The following MSRB3 variants were observed in gnomAD, a reference collection of about 807,000 sequenced individuals.
The protein encoded by MSRB3 is methionine sulfoxide reductase B3, also known as methionine-R-sulfoxide reductase B3.
In MSRB3, 13 loss-of-function variants were observed where a neutral mutation model predicts 21.0. That is an observed-to-expected ratio of 0.62 (90% confidence interval 0.40 to 0.98). The LOEUF (loss-of-function observed/expected upper bound fraction) is 0.98. MSRB3 is among the 50% of genes least tolerant of loss of function. The probability of loss-of-function intolerance (pLI) is 0.00; values close to 1 mark genes in which losing one functional copy is unlikely to be tolerated. For missense variants in MSRB3, 199 were observed against 230.3 expected (o/e 0.86, Z 0.88); for synonymous variants, 87 against 88.6 (o/e 0.98, Z 0.10).
intron 6 of MSRB3, 159 bp downstream of exon 6, chr12:65,453,984 A>C (rs915784378): frequency 1.4e-5 from 10 of 712,716 alleles, no homozygotes; most frequent in Admixed American, 6.0e-5. Flanking sequence ...GGTGTTTAGC[A>C]AGTCTAGTGG....
chr12:65,437,405 C>T (rs1009016627), intron 5 of MSRB3, among the ~76,000 whole-genome samples: 6 of 151,832 alleles, frequency 4.0e-5, no homozygotes, highest in African/African-American at 1.2e-4. Context: ...TATTCTTTAT[C>T]CTCTTATTCT....
chr12:65,286,158 T>G (rs1039862195), intron 1 of MSRB3: 2 of 152,236 alleles, frequency 1.3e-5, no homozygotes, highest in African/African-American at 4.8e-5. Context: ...AATTATGACT[T>G]ATAGAGTCTA....
chr12:65,344,121 A>G (rs1876327937), intron 4 of MSRB3: 1 of 152,128 alleles, frequency 6.6e-6, no homozygotes, highest in Admixed American at 6.6e-5. Flanking sequence ...TGTAAATGTG[A>G]AGCATTGATA....
At chr12:65,433,768 G>A (rs923370093) in intron 5 of MSRB3, among the ~76,000 whole-genome samples, 2 of 151,808 alleles carry the variant, frequency 1.3e-5, no homozygotes, top group African/African-American at 4.8e-5. Flanking sequence ...CCTTCCCCAG[G>A]GTTGCTATTT....
At position 65,466,421 on chromosome 12, in the gene MSRB3, A is replaced by C. The variant is rs536036545; in HGVS notation, c.*3099A>C. On this transcript the variant is annotated 3_prime_UTR_variant, in exon 7 of 7. Transcript: ENST00000308259. ...GAACTGAGTCAATATGGCAAGGTGT[A>C]TGTGATCTGTGGGAGTTATGCCATT... is the stretch of plus-strand genomic sequence containing the variant. The C allele has an allele frequency of 6.6e-6, 1 of 152,188 alleles. No homozygotes were observed. The highest frequency in any genetic ancestry group is 6.5e-5 in the Admixed American group (1 of 15,288). 9.4% of individuals were successfully genotyped at this position (152,188 alleles called of 1,614,324 possible). A position where few individuals can be genotyped will look rare whatever the true frequency, so the allele number is the denominator to read the frequency against.
chr12:65,373,366 T>C (rs984570975), intron 5 of MSRB3, among the ~76,000 whole-genome samples: 11 of 152,208 alleles, frequency 7.2e-5, no homozygotes, highest in African/African-American at 2.4e-4. Context: ...CTTAACTTAT[T>C]AACTTATTTA....
chr12:65,411,129 T>C (rs998117353), intron 5 of MSRB3, among the ~76,000 whole-genome samples: 3 of 152,240 alleles, frequency 2.0e-5, no homozygotes, highest in Non-Finnish European at 4.4e-5. Flanking sequence ...GTTTTCAGAT[T>C]CAGTGTATAC....
chr12:65,302,168 A>T (rs1460726772), intron 1 of MSRB3, among the ~76,000 whole-genome samples: 1 of 152,154 alleles, frequency 6.6e-6, no homozygotes, highest in East Asian at 1.9e-4. Flanking sequence ...ATTTATAATC[A>T]TGTAAACAAA....
chr12:65,453,958 T>C, intron 6 of MSRB3, 133 bp downstream of exon 6: 1 of 743,796 alleles, frequency 1.3e-6, no homozygotes, highest in Non-Finnish European at 2.4e-6. Context: ...TGAAGTCCGA[T>C]GGATGCCTAT....
chr12:65,378,607 A>G (rs945133979), intron 5 of MSRB3, among the ~76,000 whole-genome samples: 1 of 152,212 alleles, frequency 6.6e-6, no homozygotes, highest in African/African-American at 2.4e-5. Flanking sequence ...GTAGGCCATT[A>G]AAAAGGTTGC....
At chr12:65,419,591 T>A (rs1881169227) in intron 5 of MSRB3, 1 of 725,810 alleles carries the variant, frequency 1.4e-6, no homozygotes, top group South Asian at 1.4e-5. Context: ...TTGTCCACAG[T>A]ATTTGTGAAG....
At chr12:65,293,680 A>G (rs73117792) in intron 1 of MSRB3, among the ~76,000 whole-genome samples, 4,824 of 152,266 alleles carry the variant, frequency 0.032, 115 homozygotes, top group Non-Finnish European at 0.051. Context: ...CTCTGCTTCT[A>G]TGTCATCCTT....
At chr12:65,327,634 G>A (rs148059456) in intron 3 of MSRB3, among the ~76,000 whole-genome samples, 206 of 152,294 alleles carry the variant, frequency 1.4e-3, no homozygotes, top group African/African-American at 4.8e-3. Context: ...GCGTAAGACC[G>A]TAGCTTACCT....
intron 5 of MSRB3, among the ~76,000 whole-genome samples, chr12:65,412,337 TTAC>T (rs1456095931): frequency 6.6e-6 from 1 of 152,164 alleles, no homozygotes; most frequent in Non-Finnish European, 1.5e-5. Flanking sequence ...GAATAAGTAG[TTAC>T]TTTATTTCTC....
chr12:65,441,458 A>C (rs1882376085), intron 5 of MSRB3, among the ~76,000 whole-genome samples: 1 of 151,998 alleles, frequency 6.6e-6, no homozygotes, highest in Non-Finnish European at 1.5e-5. Flanking sequence ...GGCTACAAAG[A>C]CTTGTATCTG....
At chr12:65,378,955 T>TA (rs1181663606) in intron 5 of MSRB3, among the ~76,000 whole-genome samples, 2 of 152,220 alleles carry the variant, frequency 1.3e-5, no homozygotes, top group Non-Finnish European at 2.9e-5. Flanking sequence ...TTCCTTACTG[T>TA]AACATATATC....
intron 4 of MSRB3, among the ~76,000 whole-genome samples, chr12:65,350,684 T>G (rs1876908789): frequency 7.2e-6 from 1 of 139,578 alleles, no homozygotes; most frequent in African/African-American, 2.8e-5. Flanking sequence ...AAAACAGACT[T>G]TAAACCAACA....
intron 4 of MSRB3, among the ~76,000 whole-genome samples, chr12:65,333,805 G>A (rs940961396): frequency 6.6e-6 from 1 of 152,186 alleles, no homozygotes; most frequent in African/African-American, 2.4e-5. Context: ...CCCTCTTGGA[G>A]TGAATTTCAC....
At chr12:65,290,007 G>A (rs1423516729) in intron 1 of MSRB3, among the ~76,000 whole-genome samples, 1 of 151,970 alleles carries the variant, frequency 6.6e-6, no homozygotes, top group Non-Finnish European at 1.5e-5. Flanking sequence ...TTATCCATAT[G>A]TTTTTCTACT....
Sources: allele counts gnomAD v4.1 joint callset (sites outside exome capture counted in the v4.1 genomes callset), GRCh38; gene constraint gnomAD v4.1.1; transcripts MANE v1.5; gene names NCBI Gene and HGNC (gene_info 2026-07-23, HGNC 2026-07-21).